HCN1: variants seen among roughly 807,000 people sequenced by gnomAD.
HCN1 encodes the protein potassium/sodium hyperpolarization-activated cyclic nucleotide-gated channel 1.
In HCN1, 13 loss-of-function variants were observed where a neutral mutation model predicts 78.9. The observed-to-expected ratio is 0.16, with a 90% CI of 0.11 to 0.26. HCN1 has a LOEUF of 0.26. HCN1 is among the 10% of genes least tolerant of loss of function. The pLI, the probability that HCN1 is intolerant of heterozygous loss-of-function variation, is 1.00. For missense variants in HCN1, 810 were observed against 1,154.3 expected (o/e 0.70, Z 4.32); for synonymous variants, 552 against 455.5 (o/e 1.21, Z -2.70).
intron 4 of HCN1, among the ~76,000 whole-genome samples, chr5:45,354,442 C>G (rs181823780): frequency 6.2e-4 from 95 of 152,052 alleles, no homozygotes; most frequent in African/African-American, 2.1e-3. Context: ...ATTTGATATA[C>G]TTTATATGGA....
At chr5:45,613,421 C>T (rs1436194112) in intron 2 of HCN1, among the ~76,000 whole-genome samples, 1 of 152,072 alleles carries the variant, frequency 6.6e-6, no homozygotes, top group Non-Finnish European at 1.5e-5. Flanking sequence ...GAGATACCAT[C>T]TCACACCACT....
At chr5:45,505,152 T>G (rs565433096) in intron 2 of HCN1, among the ~76,000 whole-genome samples, 111 of 152,288 alleles carry the variant, frequency 7.3e-4, no homozygotes, top group Non-Finnish European at 1.0e-3. Context: ...TTGCTTTTGG[T>G]GTTTTAGACA....
chr5:45,521,440 T>G (rs1742612601), intron 2 of HCN1, among the ~76,000 whole-genome samples: 1 of 152,008 alleles, frequency 6.6e-6, no homozygotes, highest in African/African-American at 2.4e-5. Flanking sequence ...TTGTGAGGTT[T>G]GTGAGGAAAA....
At chr5:45,599,015 A>C (rs1020827476) in intron 2 of HCN1, among the ~76,000 whole-genome samples, 1 of 152,194 alleles carries the variant, frequency 6.6e-6, no homozygotes, top group Non-Finnish European at 1.5e-5. Context: ...GCGGTTCCTC[A>C]AGGATCTAGA....
intron 5 of HCN1, among the ~76,000 whole-genome samples, chr5:45,329,824 T>C (rs1175869531): frequency 6.6e-6 from 1 of 151,428 alleles, no homozygotes; most frequent in Non-Finnish European, 1.5e-5. Flanking sequence ...AAAGAGGTAC[T>C]GTGACTTATG....
chr5:45,622,302 A>G (rs1014586322), intron 2 of HCN1, among the ~76,000 whole-genome samples: 3 of 152,218 alleles, frequency 2.0e-5, no homozygotes, highest in Non-Finnish European at 4.4e-5. Context: ...TGTGAAAGGA[A>G]TTGTTTTAAA....
At chr5:45,267,729 C>T (rs1744889533) in intron 6 of HCN1, among the ~76,000 whole-genome samples, 1 of 152,140 alleles carries the variant, frequency 6.6e-6, no homozygotes, top group Admixed American at 6.5e-5. Context: ...GATTGTGCCA[C>T]TGCACTCCAG....
intron 2 of HCN1, among the ~76,000 whole-genome samples, chr5:45,570,276 T>C (rs1460552393): frequency 6.6e-6 from 1 of 152,148 alleles, no homozygotes; most frequent in African/African-American, 2.4e-5. Context: ...AATTCTCATG[T>C]AGATTCTTCT....
At chr5:45,492,899 G>T (rs1384591158) in intron 2 of HCN1, among the ~76,000 whole-genome samples, 3 of 152,042 alleles carry the variant, frequency 2.0e-5, no homozygotes, top group Non-Finnish European at 4.4e-5. Context: ...AGAAACTAGA[G>T]TATGGAAAGC....
At chr5:45,427,737 G>T (rs1431963749) in intron 3 of HCN1, among the ~76,000 whole-genome samples, 2 of 152,030 alleles carry the variant, frequency 1.3e-5, no homozygotes, top group Non-Finnish European at 2.9e-5. Context: ...TCTTGTGCTT[G>T]TTGACTATAG....
chr5:45,311,256 T>C (rs1342594105), intron 5 of HCN1, among the ~76,000 whole-genome samples: 1 of 152,110 alleles, frequency 6.6e-6, no homozygotes, highest in East Asian at 1.9e-4. Context: ...GAAACAAAAA[T>C]GTTGTTCCAA....
chr5:45,311,587 T>G (rs1745852669), intron 5 of HCN1, among the ~76,000 whole-genome samples: 1 of 152,240 alleles, frequency 6.6e-6, no homozygotes, highest in Admixed American at 6.5e-5. Context: ...GGAGTGGACT[T>G]GTTGCTTTAG....
chr5:45,277,478 A>G (rs756236245), intron 6 of HCN1, among the ~76,000 whole-genome samples: 26 of 152,118 alleles, frequency 1.7e-4, no homozygotes, highest in Non-Finnish European at 3.7e-4. Context: ...AACAAAACAA[A>G]AAAACAATGC....
chr5:45,681,163 C>T (rs1047107838), intron 1 of HCN1, among the ~76,000 whole-genome samples: 8 of 152,130 alleles, frequency 5.3e-5, no homozygotes, highest in Admixed American at 2.6e-4. Context: ...CTCCCATATT[C>T]TCAGCTTTGT....
At chr5:45,594,644 A>C (rs1744446229) in intron 2 of HCN1, among the ~76,000 whole-genome samples, 1 of 152,228 alleles carries the variant, frequency 6.6e-6, no homozygotes, top group Non-Finnish European at 1.5e-5. Context: ...TTCATTAAAA[A>C]TAGATACATT....
chr5:45,538,164 A>G (rs1247316513), intron 2 of HCN1, among the ~76,000 whole-genome samples: 1 of 152,198 alleles, frequency 6.6e-6, no homozygotes, highest in Non-Finnish European at 1.5e-5. Context: ...AATGAAACTA[A>G]GAAGTGATCT....
intron 2 of HCN1, among the ~76,000 whole-genome samples, chr5:45,577,914 A>T (rs1743982583): frequency 6.6e-6 from 1 of 152,092 alleles, no homozygotes; most frequent in Non-Finnish European, 1.5e-5. Context: ...CGCATTAACC[A>T]GAGAGTAGGG....
chr5:45,265,910 T>G (rs1744847314), intron 7 of HCN1, among the ~76,000 whole-genome samples: 1 of 152,072 alleles, frequency 6.6e-6, no homozygotes, highest in South Asian at 2.1e-4. Flanking sequence ...TATAGGAGAA[T>G]GCATCCAAGG....
chr5:45,484,837 G>A (rs563971130), intron 2 of HCN1, among the ~76,000 whole-genome samples: 1 of 152,150 alleles, frequency 6.6e-6, no homozygotes, highest in Non-Finnish European at 1.5e-5. Context: ...GTCAGTGTTT[G>A]GTCCAGAACT....
Sources: gnomAD v4.1 joint callset for allele counts (sites outside exome capture counted in the v4.1 genomes callset) on GRCh38, gnomAD v4.1.1 for gene constraint, MANE v1.5 for transcripts, NCBI Gene and HGNC (gene_info 2026-07-23, HGNC 2026-07-21) for gene names.